Variants in EIF3H observed in about 807,000 individuals in gnomAD.
The protein encoded by EIF3H is eIF-3-gamma.
A neutral mutation model predicts 44.2 loss-of-function variants in EIF3H; 26 were observed. That is an observed-to-expected ratio of 0.59 (90% CI 0.43 to 0.82). The LOEUF is 0.82. EIF3H is among the 40% of genes least tolerant of loss of function. The probability of loss-of-function intolerance (pLI) is 0.00; values close to 1 mark genes in which losing one functional copy is unlikely to be tolerated. For missense variants in EIF3H, 359 were observed against 432.8 expected (o/e 0.83, Z 1.51); for synonymous variants, 166 against 151.9 (o/e 1.09, Z -0.68).
intron 2 of EIF3H, among the ~76,000 whole-genome samples, chr8:116,671,941 T>C (rs988503343): frequency 6.6e-6 from 1 of 152,204 alleles, no homozygotes; most frequent in African/African-American, 2.4e-5. Flanking sequence ...CCATTACAAA[T>C]AATAAATCAA....
At chr8:116,673,659 T>G (rs1414401558) in intron 2 of EIF3H, among the ~76,000 whole-genome samples, 3 of 152,112 alleles carry the variant, frequency 2.0e-5, no homozygotes, top group Non-Finnish European at 4.4e-5. Context: ...GGGGTAAAAA[T>G]GTAATCTCGT....
chr8:116,678,826 T>C (rs1323364614), intron 2 of EIF3H, among the ~76,000 whole-genome samples: 1 of 140,020 alleles, frequency 7.1e-6, no homozygotes, highest in African/African-American at 2.7e-5. Flanking sequence ...GTGAGGAGCG[T>C]CTCCGCCCGG....
chr8:116,720,887 T>G (rs893441789), intron 2 of EIF3H, among the ~76,000 whole-genome samples: 10 of 152,068 alleles, frequency 6.6e-5, no homozygotes, highest in African/African-American at 2.2e-4. Flanking sequence ...AGAGGTGACT[T>G]GGGTGCTGTT....
At chr8:116,711,061 A>G (rs932806284) in intron 2 of EIF3H, among the ~76,000 whole-genome samples, 1 of 152,082 alleles carries the variant, frequency 6.6e-6, no homozygotes, top group African/African-American at 2.4e-5. Flanking sequence ...AAGAACTATA[A>G]TGGTATATGT....
chr8:116,667,091 G>A (rs1197620436), intron 2 of EIF3H, among the ~76,000 whole-genome samples: 2 of 152,140 alleles, frequency 1.3e-5, no homozygotes, highest in Non-Finnish European at 2.9e-5. Flanking sequence ...ATAGAAACTA[G>A]AAACTGAAGG....
At chr8:116,734,845 G>C (rs750840644) in intron 1 of EIF3H, among the ~76,000 whole-genome samples, 1 of 152,196 alleles carries the variant, frequency 6.6e-6, no homozygotes, top group African/African-American at 2.4e-5. Flanking sequence ...ACAGGCGTGA[G>C]CCACCATGCC....
intron 1 of EIF3H, among the ~76,000 whole-genome samples, chr8:116,765,002 A>C (rs976654738): frequency 6.6e-6 from 1 of 152,218 alleles, no homozygotes; most frequent in Admixed American, 6.5e-5. Context: ...GTGCTGCACC[A>C]CATTTTTCTT....
chr8:116,711,840 T>A (rs1814576966), intron 2 of EIF3H, among the ~76,000 whole-genome samples: 1 of 152,224 alleles, frequency 6.6e-6, no homozygotes, highest in Non-Finnish European at 1.5e-5. Flanking sequence ...GTCCTCCTCA[T>A]GCTTCTCATG....
At chr8:116,716,937 G>T (rs900339958) in intron 2 of EIF3H, among the ~76,000 whole-genome samples, 3 of 151,928 alleles carry the variant, frequency 2.0e-5, no homozygotes, top group African/African-American at 7.3e-5. Context: ...GAAATATTTG[G>T]TATATTACCT....
At chr8:116,673,974 G>A (rs1813800898) in intron 2 of EIF3H, among the ~76,000 whole-genome samples, 1 of 148,640 alleles carries the variant, frequency 6.7e-6, no homozygotes, top group African/African-American at 2.5e-5. Flanking sequence ...GGAGGCTGAG[G>A]CAGGAGAATG....
chr8:116,699,163 A>G (rs979182695), intron 2 of EIF3H, among the ~76,000 whole-genome samples: 4 of 151,980 alleles, frequency 2.6e-5, no homozygotes, highest in African/African-American at 9.7e-5. Flanking sequence ...GAATACACAC[A>G]TACCCACATA....
chr8:116,708,001 G>C (rs1452405253), intron 2 of EIF3H, among the ~76,000 whole-genome samples: 1 of 152,032 alleles, frequency 6.6e-6, no homozygotes, highest in African/African-American at 2.4e-5. Context: ...TTTAAGTACA[G>C]TCCTACTCTC....
At chr8:116,686,513 C>T (rs1444587409) in intron 2 of EIF3H, among the ~76,000 whole-genome samples, 1 of 152,072 alleles carries the variant, frequency 6.6e-6, no homozygotes, top group Admixed American at 6.5e-5. Context: ...TTCTTGATTT[C>T]TGCCAGTATT....
At chr8:116,671,871 G>A (rs1017004481) in intron 2 of EIF3H, among the ~76,000 whole-genome samples, 3 of 152,226 alleles carry the variant, frequency 2.0e-5, no homozygotes, top group Non-Finnish European at 2.9e-5. Flanking sequence ...AAATAATACA[G>A]TGTAGAAGAA....
intron 2 of EIF3H, among the ~76,000 whole-genome samples, chr8:116,672,500 C>T (rs1338022118): frequency 6.6e-6 from 1 of 151,964 alleles, no homozygotes; most frequent in Non-Finnish European, 1.5e-5. Context: ...GTAGTCCTAG[C>T]TATTCAGGAG....
chr8:116,702,508 T>A (rs906042948), intron 2 of EIF3H, among the ~76,000 whole-genome samples: 1 of 152,050 alleles, frequency 6.6e-6, no homozygotes, highest in Admixed American at 6.6e-5. Flanking sequence ...CTCCACAGAG[T>A]GAGATAGCAG....
At chr8:116,688,180 C>G (rs957623367) in intron 2 of EIF3H, among the ~76,000 whole-genome samples, 6 of 152,116 alleles carry the variant, frequency 3.9e-5, no homozygotes, top group African/African-American at 1.2e-4. Context: ...ACAAGCTAGA[C>G]AGTAGTGAAA....
intron 2 of EIF3H, among the ~76,000 whole-genome samples, chr8:116,715,497 A>G (rs1373396271): frequency 1.3e-5 from 2 of 152,078 alleles, no homozygotes; most frequent in Admixed American, 1.3e-4. Flanking sequence ...GGCAGTCTTC[A>G]TGCTTCGTTT....
chr8:116,702,745 T>C (rs559146806), intron 2 of EIF3H, among the ~76,000 whole-genome samples: 1 of 152,188 alleles, frequency 6.6e-6, no homozygotes, highest in African/African-American at 2.4e-5. Context: ...ACAGTACAGA[T>C]ATTTCCAAAA....
Sources: gnomAD v4.1 joint callset for allele counts (sites outside exome capture counted in the v4.1 genomes callset) on GRCh38, gnomAD v4.1.1 for gene constraint, MANE v1.5 for transcripts, NCBI Gene and HGNC (gene_info 2026-07-23, HGNC 2026-07-21) for gene names.